TRIP12: variants seen among roughly 807,000 people sequenced by gnomAD.
The protein encoded by TRIP12 is thyroid hormone receptor interactor 12, also known as E3 ubiquitin-protein ligase TRIP12.
In TRIP12, 25 loss-of-function variants were observed where a neutral mutation model predicts 244.2. The observed-to-expected ratio is 0.10, with a 90% CI of 0.07 to 0.14. TRIP12 has a LOEUF of 0.14. Ranked by LOEUF, TRIP12 falls within the 10% of genes least tolerant of loss-of-function variation. The pLI is 1.00. For synonymous variants in TRIP12, 905 were observed against 873.1 expected (o/e 1.04, Z -0.64); for missense variants, 1,677 against 2,486.4 (o/e 0.67, Z 6.92).
At chr2:229,870,589 G>A in intron 2 of TRIP12, among the ~76,000 whole-genome samples, 1 of 152,322 alleles carries the variant, frequency 6.6e-6, no homozygotes, top group Admixed American at 6.5e-5. Context: ...CAGAATTTCA[G>A]TAAGATAAGG....
Position 229,808,533 on chromosome 2 carries a change from C to T in TRIP12, c.2222-164G>A, listed in dbSNP as rs542989468. Among the ~76,000 whole-genome samples, 3 of 152,168 alleles carry T rather than the reference C, an allele frequency of 2.0e-5. No individual in the cohort carries two copies. In the South Asian group the frequency reaches 6.2e-4, roughly 32 times the overall value. ...AAATGCAAAAGTGCTGTAATAAAGGCCTAAAAAAAATTTGTGTAGATTTTA... is the reference window on the plus strand; with the variant it reads ...AAATGCAAAAGTGCTGTAATAAAGGTCTAAAAAAAATTTGTGTAGATTTTA... On this transcript the variant is annotated intron_variant, in intron 15 of 41. Transcript: ENST00000675903.
chr2:229,783,810 T>TAAA (rs554779208), intron 34 of TRIP12, among the ~76,000 whole-genome samples: 31 of 125,204 alleles, frequency 2.5e-4, no homozygotes, highest in Admixed American at 1.4e-3. Context: ...AACCATCTTT[T>TAAA]AAAAAAAAAA....
At chr2:229,829,410 T>C in intron 7 of TRIP12, 122 bp from the exon 8 acceptor site, 2 of 745,352 alleles carry the variant, frequency 2.7e-6, no homozygotes, top group Non-Finnish European at 2.1e-6. Flanking sequence ...CTTTGCTTTC[T>C]GGACTTTTAA....
chr2:229,799,450 A>G, intron 21 of TRIP12, 67 bp from the exon 22 acceptor site: 1 of 1,431,644 alleles, frequency 7.0e-7, no homozygotes, highest in Non-Finnish European at 9.8e-7. Context: ...CTCACTGAAA[A>G]AGCAAACTAA....
intron 4 of TRIP12, among the ~76,000 whole-genome samples, chr2:229,847,590 G>A (rs985810393): frequency 1.2e-4 from 18 of 152,260 alleles, no homozygotes; most frequent in East Asian, 9.7e-4. Context: ...CAGAAATGCC[G>A]GGGCTAAATG....
chr2:229,800,860 T>C (rs936763565), intron 21 of TRIP12, among the ~76,000 whole-genome samples: 2 of 152,032 alleles, frequency 1.3e-5, no homozygotes, highest in African/African-American at 2.4e-5. Context: ...GCCCGGGAGT[T>C]CGAGGTTAGC....
At chr2:229,878,799 G>A (rs2064188445) in intron 2 of TRIP12, among the ~76,000 whole-genome samples, 1 of 151,784 alleles carries the variant, frequency 6.6e-6, no homozygotes, top group Non-Finnish European at 1.5e-5. Context: ...AGCCAGGATG[G>A]TCTCGATCTC....
intron 24 of TRIP12, 99 bp from the exon 25 acceptor site, chr2:229,796,881 G>T: frequency 1.7e-6 from 2 of 1,158,898 alleles, no homozygotes; most frequent in Non-Finnish European, 2.4e-6. Context: ...TATTCTCAAC[G>T]CCCTTAAAAA....
intron 6 of TRIP12, among the ~76,000 whole-genome samples, chr2:229,834,910 C>T (rs1214332691): frequency 6.6e-6 from 1 of 152,066 alleles, no homozygotes; most frequent in East Asian, 1.9e-4. Context: ...ACATTATTTC[C>T]AAATAAATGT....
intron 4 of TRIP12, among the ~76,000 whole-genome samples, chr2:229,843,281 C>A (rs2056904994): frequency 6.6e-6 from 1 of 152,130 alleles, no homozygotes; most frequent in African/African-American, 2.4e-5. Context: ...CCTCAAAATT[C>A]TTGACCTTAT....
At position 229,818,342 on chromosome 2, in the gene TRIP12, G is replaced by A. The variant is rs778370347; in HGVS notation, c.1599+22C>T. The A allele has an allele frequency of 5.6e-6, 9 of 1,610,176 alleles. No individual in the cohort carries two copies. In the Admixed American group the frequency reaches 6.7e-5, roughly 12 times the overall value. ...TTCAGAGGACAAATGAGGTAAAAAC[G>A]AGGGAAAAACATTATGCTTACCAAA... On this transcript the variant is annotated intron_variant, in intron 9 of 41. Transcript: ENST00000675903.
At chr2:229,835,801 C>G (rs1461058406) in intron 6 of TRIP12, among the ~76,000 whole-genome samples, 1 of 152,152 alleles carries the variant, frequency 6.6e-6, no homozygotes, top group African/African-American at 2.4e-5. Flanking sequence ...CATTAGAAGA[C>G]TGGGAAGGAG....
Position 229,858,821 on chromosome 2 carries a change from C to A in TRIP12, c.978G>T (p.Lys326Asn), listed in dbSNP as rs1365616036. ...AAGGTCCAGGTTTTGATGTCTCTGA[C>A]TTAGAAGACCCTGGAAGAGACAGTT... ...KTKLSLPGSS[K>N]SETSKPGPSG... The change falls in exon 4 of 42, where the codon AAG becomes AAT. Residue 326 changes from lysine (K) to asparagine (N), a missense_variant. Lys to Asn is a moderately conservative substitution (Grantham distance 94, BLOSUM62 0). Coordinates refer to ENST00000675903, the MANE Select transcript of TRIP12 (RefSeq NM_001348323.3). The A allele has an allele frequency of 6.2e-7, 1 of 1,612,944 alleles. No individual in the cohort carries two copies. The highest frequency in any genetic ancestry group is 1.7e-5 in the Admixed American group (1 of 59,980).
chr2:229,823,336 A>G (rs531675164), intron 8 of TRIP12, among the ~76,000 whole-genome samples: 3 of 152,228 alleles, frequency 2.0e-5, no homozygotes, highest in East Asian at 3.9e-4. Flanking sequence ...ACAGGGTCCC[A>G]TGCTGGATTG....
At chr2:229,902,295 A>G (rs2071147510) in intron 1 of TRIP12, among the ~76,000 whole-genome samples, 1 of 151,984 alleles carries the variant, frequency 6.6e-6, no homozygotes, top group Non-Finnish European at 1.5e-5. Context: ...AGGCAGAATC[A>G]CTTAAACCCA....
At chr2:229,894,963 A>G (rs907138889) in intron 1 of TRIP12, among the ~76,000 whole-genome samples, 1 of 152,218 alleles carries the variant, frequency 6.6e-6, no homozygotes, top group Non-Finnish European at 1.5e-5. Context: ...AGGCACCTTT[A>G]GGCCTCGGAA....
chr2:229,815,896 T>G (rs2048380300), intron 9 of TRIP12, among the ~76,000 whole-genome samples: 1 of 152,198 alleles, frequency 6.6e-6, no homozygotes, highest in South Asian at 2.1e-4. Flanking sequence ...CATATATGCA[T>G]GAATAAGTTT....
intron 37 of TRIP12, among the ~76,000 whole-genome samples, 155 bp downstream of exon 37, chr2:229,777,160 T>A (rs990694658): frequency 5.9e-5 from 9 of 152,216 alleles, no homozygotes; most frequent in Admixed American, 3.3e-4. Context: ...TGACCCACTG[T>A]GAAATCATAT....
chr2:229,771,713 ACACCCTTCTGGAT>A, intron 38 of TRIP12, 81 bp from the exon 39 acceptor site: 4 of 974,912 alleles, frequency 4.1e-6, no homozygotes. Flanking sequence ...GTACAGTGAA[ACACCCTTCTGGAT>A]CACTTTATAA....
Sources: gnomAD v4.1 joint callset for allele counts (sites outside exome capture counted in the v4.1 genomes callset) on GRCh38, gnomAD v4.1.1 for gene constraint, MANE v1.5 for transcripts, NCBI Gene and HGNC (gene_info 2026-07-23, HGNC 2026-07-21) for gene names.